CMTM8: variants seen among roughly 807,000 people sequenced by gnomAD.
CMTM8 encodes CKLF-like MARVEL transmembrane domain-containing protein 8.
Under a neutral mutation model 18.6 loss-of-function variants are expected in CMTM8, and 12 were observed. That is an observed-to-expected ratio of 0.65 (90% confidence interval 0.41 to 1.05). The LOEUF (loss-of-function observed/expected upper bound fraction) is 1.05. CMTM8 is among the 50% of genes least tolerant of loss of function. The probability of loss-of-function intolerance (pLI) is 0.00; values close to 1 mark genes in which losing one functional copy is unlikely to be tolerated. For synonymous variants in CMTM8, 87 were observed against 90.6 expected (o/e 0.96, Z 0.23); for missense variants, 217 against 227.2 (o/e 0.95, Z 0.29).
At chr3:32,363,049 T>A (rs540845387) in intron 2 of CMTM8, among the ~76,000 whole-genome samples, 2 of 152,342 alleles carry the variant, frequency 1.3e-5, no homozygotes, top group South Asian at 4.1e-4. Context: ...CTTTATAGTT[T>A]ACACAACTCT....
Position 32,337,976 on chromosome 3 carries a change from C to CTTT in CMTM8, c.148-19378_148-19376dup, listed in dbSNP as rs1415837694. Among the ~76,000 whole-genome samples, 5 of 130,678 alleles carry CTTT rather than the reference C, an allele frequency of 3.8e-5. 1 individual carries two copies. The highest frequency in any genetic ancestry group is 6.0e-5 in the African/African-American group (2 of 33,280). 85.7% of individuals were successfully genotyped at this position (130,678 alleles called of 152,430 possible). ...AAGCCAAAAATATTTACTATTTGGCCTTTTTTTTTTTTTTTTTTTTTAAAT... is the reference window on the plus strand; with the variant it reads ...AAGCCAAAAATATTTACTATTTGGCCTTTTTTTTTTTTTTTTTTTTTTTTAAAT... On this transcript the variant is annotated intron_variant, in intron 1 of 3. Coordinates refer to ENST00000307526, the MANE Select transcript of CMTM8 (RefSeq NM_178868.5).
chr3:32,333,567 A>G (rs1410507085), intron 1 of CMTM8, among the ~76,000 whole-genome samples: 1 of 148,196 alleles, frequency 6.7e-6, no homozygotes, highest in Non-Finnish European at 1.5e-5. Context: ...AGACCGAACC[A>G]TTTCGCTAGA....
At chr3:32,321,040 G>A (rs1000718359) in intron 1 of CMTM8, among the ~76,000 whole-genome samples, 2 of 152,044 alleles carry the variant, frequency 1.3e-5, no homozygotes, top group African/African-American at 2.4e-5. Flanking sequence ...GTTTTCCAGG[G>A]TCAGGAATTG....
intron 1 of CMTM8, among the ~76,000 whole-genome samples, chr3:32,354,872 T>G (rs1427888714): frequency 6.6e-6 from 1 of 152,200 alleles, no homozygotes; most frequent in Non-Finnish European, 1.5e-5. Context: ...AAAAACCTCA[T>G]TAGTGTGAGG....
chr3:32,258,431 G>T (rs1028410875), intron 1 of CMTM8, among the ~76,000 whole-genome samples: 2 of 152,096 alleles, frequency 1.3e-5, no homozygotes, highest in African/African-American at 4.8e-5. Context: ...CATATATAAG[G>T]AATAATGACC....
At chr3:32,268,485 C>T (rs1702384651) in intron 1 of CMTM8, among the ~76,000 whole-genome samples, 1 of 151,934 alleles carries the variant, frequency 6.6e-6, no homozygotes, top group East Asian at 1.9e-4. Flanking sequence ...AGGGGACATA[C>T]CCAATGTAAA....
rs533446097 is a variant in CMTM8 at position 32,260,792 on chromosome 3, A to G, written c.147+21673A>G. On this transcript the variant is annotated intron_variant, in intron 1 of 3. Coordinates refer to ENST00000307526, the MANE Select transcript of CMTM8 (RefSeq NM_178868.5). ...TTGTTAGATTATATTGGATTTTTAT[A>G]TAACACATAGATTAATTTTGGGAAA... Among the ~76,000 whole-genome samples, 571 of 152,048 alleles carry G rather than the reference A, an allele frequency of 3.8e-3. 3 individuals carry two copies. Among genetic ancestry groups the G allele is most frequent in the Non-Finnish European group, 6.8e-3 (460 of 68,026 alleles).
chr3:32,271,727 G>A (rs554657492), intron 1 of CMTM8, among the ~76,000 whole-genome samples: 9 of 152,146 alleles, frequency 5.9e-5, no homozygotes, highest in African/African-American at 2.2e-4. Flanking sequence ...CTGTTTGTTT[G>A]GAAGCTATGC....
chr3:32,308,617 C>G (rs1384439523), intron 1 of CMTM8, among the ~76,000 whole-genome samples: 1 of 152,068 alleles, frequency 6.6e-6, no homozygotes, highest in Non-Finnish European at 1.5e-5. Flanking sequence ...TAAAATGGGA[C>G]TAATTATGGT....
intron 1 of CMTM8, among the ~76,000 whole-genome samples, chr3:32,343,054 C>T (rs1472068741): frequency 1.3e-5 from 2 of 152,152 alleles, no homozygotes; most frequent in African/African-American, 4.8e-5. Context: ...GGTAGTGTCA[C>T]CTCAGCGAGA....
intron 1 of CMTM8, among the ~76,000 whole-genome samples, chr3:32,273,305 T>C (rs997702604): frequency 6.6e-6 from 1 of 151,742 alleles, no homozygotes; most frequent in Non-Finnish European, 1.5e-5. Flanking sequence ...GAAAAGAAAG[T>C]ATCCCAAGAT....
At chr3:32,298,698 C>T (rs952813914) in intron 1 of CMTM8, among the ~76,000 whole-genome samples, 8 of 150,578 alleles carry the variant, frequency 5.3e-5, no homozygotes, top group East Asian at 2.0e-4. Flanking sequence ...TGCAGTGGTG[C>T]GATCTCAGCT....
chr3:32,295,153 G>A (rs183805062), intron 1 of CMTM8, among the ~76,000 whole-genome samples: 1 of 151,668 alleles, frequency 6.6e-6, no homozygotes, highest in Admixed American at 6.6e-5. Context: ...TCCAGGCATA[G>A]ATCTCAAAAC....
intron 1 of CMTM8, among the ~76,000 whole-genome samples, chr3:32,245,843 A>T (rs1575143673): frequency 6.6e-6 from 1 of 152,140 alleles, no homozygotes; most frequent in East Asian, 1.9e-4. Flanking sequence ...TCTGTCCCCC[A>T]GGCTGGAGTG....
At chr3:32,308,379 A>G (rs1695755423) in intron 1 of CMTM8, among the ~76,000 whole-genome samples, 1 of 152,224 alleles carries the variant, frequency 6.6e-6, no homozygotes, top group Admixed American at 6.5e-5. Flanking sequence ...CCCCCTCCAT[A>G]TGTCTGCATG....
chr3:32,303,024 C>T (rs970449245), intron 1 of CMTM8, among the ~76,000 whole-genome samples: 10 of 152,220 alleles, frequency 6.6e-5, no homozygotes, highest in Non-Finnish European at 1.2e-4. Flanking sequence ...CTTACAATCA[C>T]ATGCCCGATT....
intron 1 of CMTM8, among the ~76,000 whole-genome samples, chr3:32,280,262 A>G (rs1411540443): frequency 1.2e-4 from 19 of 152,140 alleles, no homozygotes; most frequent in Non-Finnish European, 1.5e-4. Flanking sequence ...AATTAAAAGG[A>G]AAACCCCAAC....
intron 1 of CMTM8, among the ~76,000 whole-genome samples, chr3:32,254,814 G>A (rs1484338721): frequency 6.6e-6 from 1 of 151,886 alleles, no homozygotes. Flanking sequence ...AATATTCATA[G>A]CATTGTGCAA....
At chr3:32,247,011 G>A (rs1449292121) in intron 1 of CMTM8, among the ~76,000 whole-genome samples, 2 of 152,134 alleles carry the variant, frequency 1.3e-5, no homozygotes, top group African/African-American at 2.4e-5. Flanking sequence ...TGAGGCAGGA[G>A]AATCGCTTGA....
Sources: gnomAD v4.1 joint callset for allele counts (sites outside exome capture counted in the v4.1 genomes callset) on GRCh38, gnomAD v4.1.1 for gene constraint, MANE v1.5 for transcripts, NCBI Gene and HGNC (gene_info 2026-07-23, HGNC 2026-07-21) for gene names.